Variants in MCF2L2 observed in about 807,000 individuals in gnomAD.
The protein encoded by MCF2L2 is MCF.2 cell line derived transforming sequence-like 2.
Under a neutral mutation model 150.2 loss-of-function variants are expected in MCF2L2, and 102 were observed. The ratio of observed to expected loss-of-function variants is 0.68; its 90% CI spans 0.58 to 0.80. The LOEUF (loss-of-function observed/expected upper bound fraction) is 0.80, where lower values mean the gene tolerates loss of function less well. MCF2L2 is among the 30% of genes least tolerant of loss of function. The pLI is 0.00. For synonymous variants in MCF2L2, 465 were observed against 491.3 expected (o/e 0.95, Z 0.71); for missense variants, 1,256 against 1,372.8 (o/e 0.91, Z 1.34).
intron 20 of MCF2L2, among the ~76,000 whole-genome samples, chr3:183,221,783 T>C (rs1197868486): frequency 6.6e-6 from 1 of 152,184 alleles, no homozygotes; most frequent in Non-Finnish European, 1.5e-5. Flanking sequence ...TCTATGGTGG[T>C]GTGACAGTCT....
chr3:183,420,765 C>T (rs148736872), intron 1 of MCF2L2, among the ~76,000 whole-genome samples: 3 of 152,274 alleles, frequency 2.0e-5, no homozygotes, highest in African/African-American at 7.2e-5. Context: ...AGAGAGAGTG[C>T]TCATGCAGGG....
intron 14 of MCF2L2, among the ~76,000 whole-genome samples, chr3:183,281,362 CTTT>C (rs773642295): frequency 4.1e-5 from 5 of 121,726 alleles, no homozygotes; most frequent in African/African-American, 1.2e-4. Flanking sequence ...GGAACCTCAC[CTTT>C]TTTTTTTTTT....
intron 2 of MCF2L2, among the ~76,000 whole-genome samples, chr3:183,380,440 C>G (rs943752386): frequency 6.6e-6 from 1 of 152,176 alleles, no homozygotes; most frequent in Non-Finnish European, 1.5e-5. Flanking sequence ...CTCGCACTGT[C>G]GCCCAGGCTA....
chr3:183,200,741 G>A (rs1278916383), intron 25 of MCF2L2, among the ~76,000 whole-genome samples: 6 of 152,122 alleles, frequency 3.9e-5, no homozygotes, highest in Non-Finnish European at 7.3e-5. Context: ...TTCTTCTAGG[G>A]TTTTTATGGT....
intron 1 of MCF2L2, among the ~76,000 whole-genome samples, chr3:183,391,441 G>A (rs1186498902): frequency 2.6e-5 from 4 of 152,070 alleles, no homozygotes; most frequent in Admixed American, 6.5e-5. Flanking sequence ...GAACTCCTTC[G>A]TCACTGTTCA....
chr3:183,287,284 T>C (rs1727848523), intron 14 of MCF2L2, among the ~76,000 whole-genome samples: 1 of 152,232 alleles, frequency 6.6e-6, no homozygotes, highest in African/African-American at 2.4e-5. Context: ...AGCATTTTTA[T>C]AGTGTACAGG....
At chr3:183,310,537 C>A in intron 9 of MCF2L2, 1 of 276,296 alleles carries the variant, frequency 3.6e-6, no homozygotes, top group Non-Finnish European at 7.2e-6. Flanking sequence ...GTGGGGCATG[C>A]CTGTAATTCC....
At chr3:183,264,213 C>A (rs185803081) in intron 15 of MCF2L2, among the ~76,000 whole-genome samples, 2 of 152,206 alleles carry the variant, frequency 1.3e-5, no homozygotes, top group African/African-American at 4.8e-5. Context: ...GCTTTCAAAT[C>A]TTCTATCTGC....
Position 183,223,396 on chromosome 3 carries a change from A to G in MCF2L2, c.2251T>C (p.Tyr751His). 6.2e-7 allele frequency: 1 copy of G among 1,614,212 alleles called. No individual in the cohort carries two copies. The highest frequency in any genetic ancestry group is 8.5e-7 in the Non-Finnish European group (1 of 1,180,016). ...AGTCTCTGGCTTGGTCCTTTGAGAT[A>G]CTTAAAAAGAGGGAGATTGTGATCC... ...QLDHNLPLFKYLKGPSQRLIK... is the reference protein window; with the variant it reads ...QLDHNLPLFKHLKGPSQRLIK... The change falls in exon 20 of 30, where the codon TAT becomes CAT. Residue 751 changes from tyrosine (Y) to histidine (H), a missense_variant. Tyr to His is a moderately conservative substitution (Grantham distance 83, BLOSUM62 2). Coordinates refer to ENST00000328913, the MANE Select transcript of MCF2L2 (RefSeq NM_015078.4).
Position 183,338,817 on chromosome 3 carries a change from A to T in MCF2L2, c.469T>A (p.Phe157Ile). The change falls in exon 5 of 30, where the codon TTT becomes ATT. Residue 157 changes from phenylalanine (F) to isoleucine (I), a missense_variant. Coordinates refer to ENST00000328913, the MANE Select transcript of MCF2L2 (RefSeq NM_015078.4). ...DIGIKYYRNE[F>I]KTKVPIIMVN... ...TTGCTTACCGGCACTTTCGTTTTAAACTCATTTCGATAGTATTTAATGCCA... is the reference window on the plus strand; with the variant it reads ...TTGCTTACCGGCACTTTCGTTTTAATCTCATTTCGATAGTATTTAATGCCA... 1 of 1,600,014 alleles carries T rather than the reference A, an allele frequency of 6.2e-7. No homozygotes were observed. The highest frequency in any genetic ancestry group is 8.5e-7 in the Non-Finnish European group (1 of 1,170,434).
Position 183,270,886 on chromosome 3 carries a change from G to A in MCF2L2, c.1862+5986C>T. On this transcript the variant is annotated intron_variant, in intron 15 of 29. Coordinates refer to ENST00000328913, the MANE Select transcript of MCF2L2 (RefSeq NM_015078.4). This position sits in a 1 kb window ranked among gnomAD's most constrained non-coding sequence, Gnocchi z 4.5. ...AGATTAATGAAGATAATTCTCCTTT[G>A]TAAAATTAGCTATGTGGACACATAC... 1 of 1,607,324 alleles carries A rather than the reference G, an allele frequency of 6.2e-7. No homozygotes were observed. Among genetic ancestry groups the A allele is most frequent in the Non-Finnish European group, 8.5e-7 (1 of 1,177,758 alleles).
At chr3:183,362,174 A>G (rs6797583) in intron 3 of MCF2L2, among the ~76,000 whole-genome samples, 44,443 of 150,938 alleles carry the variant, frequency 0.29, 9,320 homozygotes, top group African/African-American at 0.59. Flanking sequence ...GTGTGATCTC[A>G]GCTCACTGCA....
chr3:183,229,914 G>A (rs984911223), intron 16 of MCF2L2, 133 bp from the exon 17 acceptor site: 17 of 460,368 alleles, frequency 3.7e-5, no homozygotes, highest in African/African-American at 2.0e-4. Context: ...GAAAGCTATC[G>A]TATTGAGTAC....
chr3:183,196,951 A>G (rs1336555772), intron 25 of MCF2L2, among the ~76,000 whole-genome samples: 1 of 152,168 alleles, frequency 6.6e-6, no homozygotes, highest in Non-Finnish European at 1.5e-5. Context: ...ATATCTTCAT[A>G]ACAAACTTGT....
intron 15 of MCF2L2, among the ~76,000 whole-genome samples, chr3:183,247,903 G>T (rs1724329719): frequency 6.6e-6 from 1 of 152,164 alleles, no homozygotes; most frequent in Non-Finnish European, 1.5e-5. Context: ...CATGGATACT[G>T]AGGGTCAACT....
intron 14 of MCF2L2, among the ~76,000 whole-genome samples, chr3:183,282,242 A>G (rs1727534398): frequency 6.6e-6 from 1 of 151,730 alleles, no homozygotes; most frequent in African/African-American, 2.4e-5. Flanking sequence ...ACAGTGGTGC[A>G]ATCTCAGCTC....
At chr3:183,374,132 T>A (rs1283996883) in intron 3 of MCF2L2, 1 of 152,798 alleles carries the variant, frequency 6.5e-6, no homozygotes, top group African/African-American at 2.4e-5. Context: ...CACCACCAGA[T>A]CAATCTGCTC....
chr3:183,311,098 T>C (rs1729355686), intron 8 of MCF2L2, 69 bp from the exon 9 acceptor site: 2 of 877,770 alleles, frequency 2.3e-6, no homozygotes, highest in East Asian at 2.5e-5. Flanking sequence ...TATAGGCCTA[T>C]GGCTAGAACA....
chr3:183,203,488 G>A (rs1722368448), intron 25 of MCF2L2, among the ~76,000 whole-genome samples: 1 of 152,130 alleles, frequency 6.6e-6, no homozygotes, highest in African/African-American at 2.4e-5. Context: ...TGAGCAGGCA[G>A]AAGAAAGAAT....
Sources: gnomAD v4.1 joint callset for allele counts (sites outside exome capture counted in the v4.1 genomes callset) on GRCh38, gnomAD v4.1.1 for gene constraint, Gnocchi (gnomAD v3.1) non-coding constraint, MANE v1.5 for transcripts, NCBI Gene and HGNC (gene_info 2026-07-23, HGNC 2026-07-21) for gene names.